DHRS9: variants seen among roughly 807,000 people sequenced by gnomAD.
DHRS9 encodes the protein dehydrogenase/reductase SDR family member 9.
A neutral mutation model predicts 26.6 loss-of-function variants in DHRS9; 18 were observed. The observed-to-expected ratio is 0.68, with a 90% CI of 0.47 to 1.00. The LOEUF (loss-of-function observed/expected upper bound fraction) is 1.00. Ranked by LOEUF, DHRS9 falls within the 50% of genes least tolerant of loss-of-function variation. DHRS9 has a pLI of 0.00. For missense variants in DHRS9, 425 were observed against 378.7 expected (o/e 1.12, Z -1.01); for synonymous variants, 134 against 141.1 (o/e 0.95, Z 0.36).
chr2:169,084,205 A>C (rs1308539350), intron 3 of DHRS9, among the ~76,000 whole-genome samples: 2 of 152,110 alleles, frequency 1.3e-5, no homozygotes, highest in Non-Finnish European at 2.9e-5. Flanking sequence ...ACTCCATTGT[A>C]TATATATACT....
chr2:169,067,188 C>G, upstream of DHRS9: 9 of 1,535,628 alleles, frequency 5.9e-6, no homozygotes, highest in Non-Finnish European at 7.8e-6. Flanking sequence ...CTATCACCAG[C>G]CTCACCCTCC....
chr2:169,091,766 A>G (rs1684534285), intron 3 of DHRS9, 24 bp from the exon 4 acceptor site: 1 of 1,569,082 alleles, frequency 6.4e-7, no homozygotes, highest in Admixed American at 1.8e-5. Flanking sequence ...CGGATTAAAC[A>G]TCTTCAATGG....
chr2:169,084,792 T>C (rs1041400815), intron 3 of DHRS9, among the ~76,000 whole-genome samples: 1 of 152,200 alleles, frequency 6.6e-6, no homozygotes, highest in Non-Finnish European at 1.5e-5. Context: ...GTCTTTTCAC[T>C]TTTTTGATTG....
chr2:169,085,206 A>G (rs771391442), intron 3 of DHRS9, among the ~76,000 whole-genome samples: 2 of 152,084 alleles, frequency 1.3e-5, no homozygotes, highest in Admixed American at 1.3e-4. Context: ...GTCCATTTTT[A>G]TACCAGTACC....
At chr2:169,091,680 C>T in intron 3 of DHRS9, 110 bp from the exon 4 acceptor site, 2 of 1,211,008 alleles carry the variant, frequency 1.7e-6, no homozygotes, top group Non-Finnish European at 2.3e-6. Flanking sequence ...CTTTCAAATG[C>T]ACCCAAATCT....
chr2:169,087,250 C>T (rs1391161018), intron 3 of DHRS9, among the ~76,000 whole-genome samples: 1 of 152,134 alleles, frequency 6.6e-6, no homozygotes, highest in Non-Finnish European at 1.5e-5. Flanking sequence ...AGTCTCTCAC[C>T]ATAGCTACTA....
intron 1 of DHRS9, among the ~76,000 whole-genome samples, chr2:169,074,756 T>TGAACCTTAGAGACTGAAGAA (rs66927685): frequency 0.65 from 98,625 of 151,698 alleles, 34,215 homozygotes; most frequent in African/African-American, 0.91. Flanking sequence ...TAGAGGAATC[T>TGAACCTTAGAGACTGAAGAA]GAACCAGCAT....
rs201362566 is a variant in DHRS9 at position 169,083,569 on chromosome 2, G to C, written c.554G>C (p.Gly185Ala). 8 of 1,613,948 alleles carry C rather than the reference G, an allele frequency of 5.0e-6. No individual in the cohort carries two copies. The highest frequency in any genetic ancestry group is 1.1e-5 in the South Asian group (1 of 91,078). ...GYTPSKYAVE[G>A]FNDSLRRDMK... ...ACTCCATCCAAATATGCAGTGGAAG[G>C]TTTCAATGACAGCTTAAGGTAAATC... Residue 185 changes from glycine to alanine, a missense_variant, in exon 3 of 5, where the codon GGT (glycine) becomes GCT (alanine). By Grantham distance (60) the Gly-to-Ala change is moderately conservative. Coordinates refer to ENST00000674881, the MANE Select transcript of DHRS9 (RefSeq NM_001376924.1).
rs34855308 is a variant in DHRS9, at chr2:169,074,650, C to G, written c.-60+4933C>G. 6.3e-3 allele frequency among the ~76,000 whole-genome samples: 962 copies of G among 152,228 alleles called. 14 individuals are homozygous for G. In the East Asian group the frequency reaches 0.074, roughly 12 times the overall value. On this transcript the variant is annotated intron_variant, in intron 1 of 4. Coordinates refer to ENST00000674881, the MANE Select transcript of DHRS9 (RefSeq NM_001376924.1). ...GTGTATAGGTCATGTTCCCATGGCT[C>G]TGACCCAGGTTGCTGCTCAGAGTTG...
chr2:169,092,079 C>A, intron 4 of DHRS9, 126 bp downstream of exon 4: 1 of 1,055,320 alleles, frequency 9.5e-7, no homozygotes, highest in Non-Finnish European at 1.3e-6. Flanking sequence ...AACCATGGAT[C>A]AGGGATCTCC....
chr2:169,083,470 T>G lies in DHRS9; in HGVS notation c.455T>G (p.Val152Gly). The G allele has an allele frequency of 6.2e-7, 1 of 1,614,078 alleles. No homozygotes were observed. Among genetic ancestry groups the G allele is most frequent in the Non-Finnish European group, 8.5e-7 (1 of 1,180,004 alleles). The change falls in exon 3 of 5, where the codon GTC becomes GGC. Residue 152 changes from valine to glycine, a missense_variant. Physicochemically the swap from Val to Gly is moderately radical, Grantham distance 109. Coordinates refer to ENST00000674881, the MANE Select transcript of DHRS9 (RefSeq NM_001376924.1). ...GTGACACTAAATATGCTTCCTTTGG[T>G]CAAGAAAGCTCAAGGGAGAGTTATT... Reference protein sequence around the residue: ...ISVTLNMLPLVKKAQGRVINV... With the variant: ...ISVTLNMLPLGKKAQGRVINV...
intron 1 of DHRS9, chr2:169,070,388 G>A: frequency 1.0e-6 from 1 of 985,388 alleles, no homozygotes; most frequent in Non-Finnish European, 1.2e-6. Context: ...ATGACTTGAT[G>A]TTTAGGAGGT....
intron 1 of DHRS9, among the ~76,000 whole-genome samples, chr2:169,077,445 A>G (rs1683996616): frequency 6.6e-6 from 1 of 152,236 alleles, no homozygotes; most frequent in Admixed American, 6.5e-5. Flanking sequence ...TGAAGTAGTA[A>G]TCAGCATTAA....
chr2:169,067,974 G>C (rs1303281689), upstream of DHRS9, among the ~76,000 whole-genome samples: 4 of 152,172 alleles, frequency 2.6e-5, no homozygotes, highest in East Asian at 7.7e-4. Flanking sequence ...CTAAACATTT[G>C]ACTTTTTTTA....
upstream of DHRS9, among the ~76,000 whole-genome samples, chr2:169,068,237 T>C (rs1052422576): frequency 6.6e-6 from 1 of 152,248 alleles, no homozygotes; most frequent in Admixed American, 6.5e-5. Flanking sequence ...ATTTAAGCCA[T>C]ACTTATGAAA....
chr2:169,080,378 G>A (rs1279270977), intron 1 of DHRS9, among the ~76,000 whole-genome samples: 2 of 152,230 alleles, frequency 1.3e-5, no homozygotes, highest in African/African-American at 4.8e-5. Context: ...TCTGTGGGGA[G>A]GGAGCTGATG....
chr2:169,083,141 T>G (rs1684242714), intron 2 of DHRS9, among the ~76,000 whole-genome samples, 188 bp from the exon 3 acceptor site: 1 of 152,190 alleles, frequency 6.6e-6, no homozygotes, highest in East Asian at 1.9e-4. Context: ...CAGCGAGAAC[T>G]TGAACTATTT....
intron 1 of DHRS9, chr2:169,070,850 G>A (rs2105276722): frequency 1.7e-6 from 1 of 597,852 alleles, no homozygotes; most frequent in East Asian, 1.4e-4. Flanking sequence ...GGATCACAAG[G>A]TCAGGAGATC....
At chr2:169,080,309 G>A (rs1386396708) in intron 1 of DHRS9, among the ~76,000 whole-genome samples, 1 of 152,186 alleles carries the variant, frequency 6.6e-6, no homozygotes, top group Non-Finnish European at 1.5e-5. Context: ...CCCACATGTG[G>A]TTCTCTCTTT....
Sources: allele counts gnomAD v4.1 joint callset (sites outside exome capture counted in the v4.1 genomes callset), GRCh38; gene constraint gnomAD v4.1.1; transcripts MANE v1.5; gene names NCBI Gene and HGNC (gene_info 2026-07-23, HGNC 2026-07-21).